HPSE2: variants seen among roughly 807,000 people sequenced by gnomAD.
HPSE2 encodes the protein heparanase 2 (inactive).
A neutral mutation model predicts 60.5 loss-of-function variants in HPSE2; 38 were observed. The ratio of observed to expected loss-of-function variants is 0.63; its 90% CI spans 0.48 to 0.82. The LOEUF is 0.82. HPSE2 is among the 40% of genes least tolerant of loss of function. The pLI is 0.00. For synonymous variants in HPSE2, 295 were observed against 293.2 expected (o/e 1.01, Z -0.06); for missense variants, 713 against 740.4 (o/e 0.96, Z 0.43).
chr10:98,568,532 C>T (rs1944409122), intron 9 of HPSE2, among the ~76,000 whole-genome samples: 1 of 152,190 alleles, frequency 6.6e-6, no homozygotes, highest in Non-Finnish European at 1.5e-5. Flanking sequence ...GGGCATAGAG[C>T]AGTCTCTAGA....
chr10:99,046,979 T>C (rs920135160), intron 3 of HPSE2, among the ~76,000 whole-genome samples: 7 of 152,174 alleles, frequency 4.6e-5, no homozygotes, highest in Non-Finnish European at 7.4e-5. Flanking sequence ...AAAATTCATA[T>C]GGAATAACAA....
chr10:98,801,622 C>A (rs563157455), intron 3 of HPSE2, among the ~76,000 whole-genome samples: 13 of 151,712 alleles, frequency 8.6e-5, no homozygotes, highest in Middle Eastern at 3.2e-3. Context: ...AAATTGAATA[C>A]CTAGAAATTT....
At chr10:98,632,351 C>T (rs563057595) in intron 7 of HPSE2, among the ~76,000 whole-genome samples, 6 of 152,214 alleles carry the variant, frequency 3.9e-5, no homozygotes, top group African/African-American at 1.2e-4. Context: ...TCAAATGAAA[C>T]TTGCCTACTG....
Position 98,653,981 on chromosome 10 carries a change from T to A in HPSE2, c.1005-12041A>T, listed in dbSNP as rs72840530. The stretch of plus-strand genomic sequence containing the variant: ...CATGGATAAAGAACTCTAGTTTTTT[T>A]TTTTTCAACATTTTAATGATTTCAC... On this transcript the variant is annotated intron_variant, in intron 6 of 11. Coordinates refer to ENST00000370552, the MANE Select transcript of HPSE2 (RefSeq NM_021828.5). 6.7e-3 allele frequency among the ~76,000 whole-genome samples: 1,023 copies of A among 152,220 alleles called. 8 individuals carry two copies. Among genetic ancestry groups the A allele is most frequent in the South Asian group, 0.027 (130 of 4,828 alleles).
chr10:98,556,009 G>A (rs1470118629), intron 9 of HPSE2, among the ~76,000 whole-genome samples: 1 of 152,106 alleles, frequency 6.6e-6, no homozygotes, highest in Non-Finnish European at 1.5e-5. Flanking sequence ...TAAAGACTTA[G>A]CTCCTCACCA....
At chr10:99,218,577 A>G (rs1849211877) in intron 2 of HPSE2, among the ~76,000 whole-genome samples, 1 of 152,202 alleles carries the variant, frequency 6.6e-6, no homozygotes, top group Admixed American at 6.5e-5. Flanking sequence ...CTTTATTGCC[A>G]TGAGAAAAAC....
intron 8 of HPSE2, among the ~76,000 whole-genome samples, chr10:98,615,906 T>C (rs549521110): frequency 1.6e-4 from 24 of 152,314 alleles, no homozygotes; most frequent in African/African-American, 5.8e-4. Flanking sequence ...GTCCTAAACA[T>C]GTGTGTGTCC....
rs774222608 is a variant in HPSE2, at chr10:98,490,022, G to A, written c.1466+29C>T. ...GTATGGGGTGGGAGCCCCTCAGGTG[G>A]CCTTTCTGCCATCTTTCTGAGGACT... On this transcript the variant is annotated intron_variant, in intron 10 of 11. Transcript: ENST00000370552. The A allele has an allele frequency of 4.3e-6, 7 of 1,613,836 alleles. No homozygotes were observed. In the South Asian group the frequency reaches 6.6e-5, roughly 15 times the overall value.
intron 3 of HPSE2, among the ~76,000 whole-genome samples, chr10:99,135,911 G>C (rs1206983206): frequency 6.6e-6 from 1 of 152,014 alleles, no homozygotes; most frequent in South Asian, 2.1e-4. Flanking sequence ...GAGGGAGATA[G>C]AGACATGAAA....
At chr10:98,501,113 G>C (rs1410804563) in intron 9 of HPSE2, among the ~76,000 whole-genome samples, 1 of 150,866 alleles carries the variant, frequency 6.6e-6, no homozygotes, top group East Asian at 1.9e-4. Context: ...AATTCTACCA[G>C]ACACTCAAAG....
intron 9 of HPSE2, among the ~76,000 whole-genome samples, chr10:98,532,159 G>T (rs1355919831): frequency 6.6e-6 from 1 of 152,162 alleles, no homozygotes; most frequent in Non-Finnish European, 1.5e-5. Context: ...TATCGCTAGG[G>T]CTGAGAAGCT....
chr10:98,887,954 TAAAGA>T (rs1953215116), intron 3 of HPSE2, among the ~76,000 whole-genome samples: 3 of 150,562 alleles, frequency 2.0e-5, no homozygotes, highest in Admixed American at 6.6e-5. Flanking sequence ...AATTAAAAAT[TAAAGA>T]AAAGAAAGAA....
intron 3 of HPSE2, among the ~76,000 whole-genome samples, chr10:98,909,880 A>G: frequency 6.6e-6 from 1 of 152,280 alleles, no homozygotes; most frequent in East Asian, 1.9e-4. Flanking sequence ...AACCATTAAA[A>G]TTATTTTAAT....
chr10:98,529,300 A>G (rs899212248), intron 9 of HPSE2, among the ~76,000 whole-genome samples: 1 of 152,254 alleles, frequency 6.6e-6, no homozygotes, highest in African/African-American at 2.4e-5. Context: ...AACAGATTTT[A>G]AATTTCTAGT....
chr10:98,874,839 T>C (rs765906602), intron 3 of HPSE2, among the ~76,000 whole-genome samples: 3 of 152,000 alleles, frequency 2.0e-5, no homozygotes, highest in Non-Finnish European at 4.4e-5. Flanking sequence ...AATTTTATCA[T>C]AGGCCTTTTC....
At chr10:98,831,863 G>C (rs555504220) in intron 3 of HPSE2, among the ~76,000 whole-genome samples, 2 of 152,124 alleles carry the variant, frequency 1.3e-5, no homozygotes, top group African/African-American at 4.8e-5. Context: ...GATCTTTATA[G>C]CTAAATAAAT....
At chr10:99,120,529 A>T (rs2185801) in intron 3 of HPSE2, among the ~76,000 whole-genome samples, 72,071 of 151,406 alleles carry the variant, frequency 0.48, 19,519 homozygotes, top group Non-Finnish European at 0.61. Flanking sequence ...GCTGGACTGC[A>T]ATCGTGCGAT....
At chr10:99,135,105 CAA>C (rs1321016112) in intron 3 of HPSE2, among the ~76,000 whole-genome samples, 10 of 151,896 alleles carry the variant, frequency 6.6e-5, no homozygotes, top group Admixed American at 6.6e-4. Flanking sequence ...CAACAAAGAT[CAA>C]AAGAGACAAG....
At chr10:98,945,675 T>A (rs1250658445) in intron 3 of HPSE2, among the ~76,000 whole-genome samples, 1 of 152,200 alleles carries the variant, frequency 6.6e-6, no homozygotes, top group Non-Finnish European at 1.5e-5. Context: ...TAGAAGACAG[T>A]ATGCAAAAGT....
Sources: allele counts gnomAD v4.1 joint callset (sites outside exome capture counted in the v4.1 genomes callset), GRCh38; gene constraint gnomAD v4.1.1; transcripts MANE v1.5; gene names NCBI Gene and HGNC (gene_info 2026-07-23, HGNC 2026-07-21).